The following ELMO1 variants were observed in gnomAD, a reference collection of about 807,000 sequenced individuals.
The protein encoded by ELMO1 is engulfment and cell motility 1.
ELMO1 carries 26 observed loss-of-function variants against 98.9 expected under a neutral mutation model. The observed-to-expected ratio is 0.26, with a 90% CI of 0.19 to 0.36. The LOEUF is 0.36. Among genes scored for constraint, ELMO1 ranks in the 10% least tolerant of loss-of-function variants. ELMO1 has a pLI of 1.00. For missense variants in ELMO1, 627 were observed against 935.2 expected (o/e 0.67, Z 4.30); for synonymous variants, 346 against 346.0 (o/e 1.00, Z 0.00).
chr7:37,086,889 A>G (rs1286737663), intron 15 of ELMO1, among the ~76,000 whole-genome samples: 2 of 149,696 alleles, frequency 1.3e-5, no homozygotes, highest in African/African-American at 5.1e-5. Context: ...TCCCAGTGAT[A>G]CTTTGGAATG....
chr7:37,009,991 C>T (rs149654285), intron 16 of ELMO1, among the ~76,000 whole-genome samples: 1 of 152,302 alleles, frequency 6.6e-6, no homozygotes, highest in African/African-American at 2.4e-5. Flanking sequence ...TAAAGCAGAA[C>T]AGTGGCTGAT....
rs369250162 is a variant in ELMO1 at position 36,902,419 on chromosome 7, G to A, written c.1438-7402C>T. Among the ~76,000 whole-genome samples the A allele has an allele frequency of 3.3e-5, 5 of 152,284 alleles. No individual in the cohort carries two copies. The South Asian group carries it at 8.3e-4, about 25-fold the overall frequency. On this transcript the variant is annotated intron_variant, in intron 16 of 21. Transcript: ENST00000310758. ...AAGGGGTGATGAGACCTAATTTAGA[G>A]CCAAAGCCAGTGCTGTGCTTAATGT...
At chr7:37,182,003 A>G (rs1454884001) in intron 13 of ELMO1, among the ~76,000 whole-genome samples, 1 of 140,420 alleles carries the variant, frequency 7.1e-6, no homozygotes, top group Admixed American at 7.4e-5. Context: ...CCTCCCTCCA[A>G]TTGCCCCCCT....
chr7:37,401,657 G>A (rs11765583), intron 1 of ELMO1, among the ~76,000 whole-genome samples: 36,428 of 152,040 alleles, frequency 0.24, 4,596 homozygotes, highest in East Asian at 0.43. Flanking sequence ...AAGCAGGGGA[G>A]AATCCCTTAA....
chr7:36,919,641 AGT>A (rs1361571308), intron 16 of ELMO1, among the ~76,000 whole-genome samples: 1 of 152,180 alleles, frequency 6.6e-6, no homozygotes, highest in African/African-American at 2.4e-5. Flanking sequence ...TGCCAATCAA[AGT>A]GTGTTGCTGC....
chr7:37,331,359 A>ATTTTTTTTGTTTT (rs1313323233), intron 2 of ELMO1, among the ~76,000 whole-genome samples: 2 of 81,444 alleles, frequency 2.5e-5, no homozygotes, highest in African/African-American at 4.8e-5. Context: ...TTTTTTTGGA[A>ATTTTTTTTGTTTT]TTTTAGTAGA....
rs780269082 is a variant in ELMO1 at position 37,133,184 on chromosome 7, C to G, written c.1137G>C (p.Leu379Phe). ...CAAAGTACAGCATGTTGTCCAGAGC[C>G]AACATCCCAGGTGGAGTCTGCGTGA... ...MDFTQTPPGMLALDNMLYFAK... is the reference protein window; with the variant it reads ...MDFTQTPPGMFALDNMLYFAK... The change falls in exon 14 of 22, where the codon TTG becomes TTC. Residue 379 changes from leucine to phenylalanine, a missense_variant. Physicochemically the swap from Leu to Phe is conservative, Grantham distance 22 (BLOSUM62 0). Coordinates refer to ENST00000310758, the MANE Select transcript of ELMO1 (RefSeq NM_014800.11). The G allele has an allele frequency of 4.3e-6, 7 of 1,612,880 alleles. No homozygotes were observed. In the East Asian group the frequency reaches 1.3e-4, roughly 31 times the overall value.
chr7:37,138,733 A>G (rs1411380780), intron 13 of ELMO1, among the ~76,000 whole-genome samples: 3 of 152,226 alleles, frequency 2.0e-5, no homozygotes, highest in Non-Finnish European at 2.9e-5. Context: ...TGAAGCCAGT[A>G]TCATCTTAAT....
intron 4 of ELMO1, among the ~76,000 whole-genome samples, chr7:37,292,739 G>C (rs1278104238): frequency 1.1e-4 from 12 of 108,360 alleles, no homozygotes; most frequent in Non-Finnish European, 1.5e-4. Flanking sequence ...AGGGAGGTGG[G>C]GGGGTCAGCC....
At chr7:37,049,276 C>T (rs1795971181) in intron 15 of ELMO1, among the ~76,000 whole-genome samples, 1 of 152,100 alleles carries the variant, frequency 6.6e-6, no homozygotes, top group African/African-American at 2.4e-5. Flanking sequence ...ACTCCCCAGG[C>T]CCTTTCCCCA....
At chr7:37,000,938 T>TATAC (rs1792623756) in intron 16 of ELMO1, among the ~76,000 whole-genome samples, 1 of 147,408 alleles carries the variant, frequency 6.8e-6, no homozygotes, top group Non-Finnish European at 1.5e-5. Context: ...TATATGTGTA[T>TATAC]ACACACACAC....
intron 14 of ELMO1, among the ~76,000 whole-genome samples, chr7:37,117,862 A>G (rs1785708603): frequency 6.6e-6 from 1 of 152,226 alleles, no homozygotes; most frequent in Admixed American, 6.5e-5. Flanking sequence ...TCCTTTCTCC[A>G]CATCACCTAG....
intron 16 of ELMO1, among the ~76,000 whole-genome samples, chr7:36,998,370 G>A (rs963300932): frequency 8.6e-5 from 13 of 151,884 alleles, no homozygotes; most frequent in Admixed American, 5.2e-4. Context: ...CTTTGGAGTC[G>A]TATTTCTTCT....
intron 13 of ELMO1, among the ~76,000 whole-genome samples, chr7:37,208,119 G>A (rs1048750706): frequency 6.6e-6 from 1 of 152,230 alleles, no homozygotes; most frequent in Non-Finnish European, 1.5e-5. Context: ...GGCTGCAGAT[G>A]ATTTCTATGA....
intron 2 of ELMO1, among the ~76,000 whole-genome samples, chr7:37,335,930 G>A (rs954601441): frequency 2.0e-5 from 3 of 152,112 alleles, no homozygotes; most frequent in African/African-American, 7.2e-5. Flanking sequence ...GGGCCATAAA[G>A]AACGCATCTA....
chr7:37,105,438 G>A (rs936928533), intron 14 of ELMO1, among the ~76,000 whole-genome samples: 1 of 152,212 alleles, frequency 6.6e-6, no homozygotes, highest in African/African-American at 2.4e-5. Flanking sequence ...TACAGGTGTA[G>A]GGGGCACCTG....
chr7:37,058,625 A>T (rs567667267), intron 15 of ELMO1, among the ~76,000 whole-genome samples: 133 of 152,224 alleles, frequency 8.7e-4, no homozygotes, highest in African/African-American at 2.9e-3. Context: ...TGAAGGTTCT[A>T]TGAGGGCTCC....
chr7:37,230,644 T>C (rs1297877106), intron 8 of ELMO1, among the ~76,000 whole-genome samples: 1 of 152,196 alleles, frequency 6.6e-6, no homozygotes, highest in African/African-American at 2.4e-5. Flanking sequence ...GGAATTCACA[T>C]TCAGTACAAC....
chr7:37,364,315 TATTCTGCCAAATATGATGTTAAATCTA>T (rs1801813752), intron 1 of ELMO1, among the ~76,000 whole-genome samples: 1 of 152,378 alleles, frequency 6.6e-6, no homozygotes, highest in South Asian at 2.1e-4. Context: ...GCCAAATATG[TATTCTGCCAAATATGATGTTAAATCTA>T]TGACTAAAAT....
Sources: gnomAD v4.1 joint callset for allele counts (sites outside exome capture counted in the v4.1 genomes callset) on GRCh38, gnomAD v4.1.1 for gene constraint, MANE v1.5 for transcripts, NCBI Gene and HGNC (gene_info 2026-07-23, HGNC 2026-07-21) for gene names.